Variants in FNDC7 observed in about 807,000 individuals in gnomAD.
FNDC7 encodes the protein fibronectin type III domain containing 7, also known as fibronectin type III domain-containing protein 7.
In FNDC7, 66 loss-of-function variants were observed where a neutral mutation model predicts 74.2. That is an observed-to-expected ratio of 0.89 (90% confidence interval 0.73 to 1.09). The LOEUF is 1.09. Among genes scored for constraint, FNDC7 ranks in the 50% least tolerant of loss-of-function variants. FNDC7 has a pLI of 0.00. For missense variants in FNDC7, 829 were observed against 893.4 expected (o/e 0.93, Z 0.92); for synonymous variants, 307 against 330.2 (o/e 0.93, Z 0.76).
chr1:108,741,042 C>T (rs546391179), intron 11 of FNDC7, among the ~76,000 whole-genome samples: 4 of 152,356 alleles, frequency 2.6e-5, no homozygotes, highest in East Asian at 3.9e-4. Flanking sequence ...ATTTTTCAGA[C>T]TCTTCCACAG....
At chr1:108,728,568 A>G (rs1439294174) in intron 7 of FNDC7, 64 bp from the exon 8 acceptor site, 3 of 1,594,740 alleles carry the variant, frequency 1.9e-6, no homozygotes, top group East Asian at 2.2e-5. Flanking sequence ...TCAGTTTTAG[A>G]CCAAATGGCA....
chr1:108,714,637 C>G (rs1360714276), intron 2 of FNDC7, among the ~76,000 whole-genome samples: 1 of 108,188 alleles, frequency 9.2e-6, no homozygotes, highest in African/African-American at 3.4e-5. Context: ...GAGACAGAGT[C>G]TCTGTCGCCC....
intron 11 of FNDC7, among the ~76,000 whole-genome samples, chr1:108,740,295 G>A (rs1377129562): frequency 6.9e-6 from 1 of 145,304 alleles, no homozygotes; most frequent in South Asian, 2.2e-4. Flanking sequence ...TTTGACTCTT[G>A]GAGTATCCTA....
chr1:108,718,797 G>A lies in FNDC7; in HGVS notation c.346G>A (p.Ala116Thr). 1 of 1,551,430 alleles carries A rather than the reference G, an allele frequency of 6.4e-7. No homozygotes were observed. The change falls in exon 4 of 13, where the codon GCA becomes ACA. Residue 116 changes from alanine (A) to threonine (T), a missense_variant. By Grantham distance (58) the Ala-to-Thr change is moderately conservative (BLOSUM62 0). Coordinates refer to ENST00000370017, the MANE Select transcript of FNDC7 (RefSeq NM_001144937.3). Reference sequence around the variant, plus strand: ...TGTTTTTATTTTTTTAGTGTTGGCTGCACCAATTCTAGAAGTAAGCTCTCC... The same window carrying A: ...TGTTTTTATTTTTTTAGTGTTGGCTACACCAATTCTAGAAGTAAGCTCTCC... Reference protein sequence around the residue: ...PPKQAKTVLAAPILEVSSPSS... With the variant: ...PPKQAKTVLATPILEVSSPSS...
chr1:108,726,575 T>C (rs918132502), intron 6 of FNDC7, among the ~76,000 whole-genome samples: 1 of 152,204 alleles, frequency 6.6e-6, no homozygotes, highest in Non-Finnish European at 1.5e-5. Context: ...ATGATGCACA[T>C]ATTTTTATTA....
At chr1:108,736,254 C>T (rs941662123) in intron 10 of FNDC7, among the ~76,000 whole-genome samples, 1 of 152,124 alleles carries the variant, frequency 6.6e-6, no homozygotes, top group African/African-American at 2.4e-5. Context: ...TACTGCAGTG[C>T]TCTTCTCTTT....
At chr1:108,726,410 G>A (rs1391848749) in intron 6 of FNDC7, among the ~76,000 whole-genome samples, 1 of 152,248 alleles carries the variant, frequency 6.6e-6, no homozygotes, top group East Asian at 1.9e-4. Flanking sequence ...GGGCTTTGGA[G>A]TAGGACACCT....
chr1:108,725,695 G>T (rs1271916298), intron 5 of FNDC7, 55 bp from the exon 6 acceptor site: 6 of 1,564,708 alleles, frequency 3.8e-6, no homozygotes, highest in Non-Finnish European at 5.2e-6. Flanking sequence ...TAATTGCAAA[G>T]ATGCGAAGAA....
chr1:108,724,200 T>A (rs1334955733), intron 5 of FNDC7, among the ~76,000 whole-genome samples: 1 of 152,200 alleles, frequency 6.6e-6, no homozygotes, highest in Non-Finnish European at 1.5e-5. Context: ...AATGAGGTAT[T>A]GCCTTAACAC....
intron 11 of FNDC7, among the ~76,000 whole-genome samples, chr1:108,741,223 T>C (rs1178090328): frequency 6.6e-6 from 1 of 152,090 alleles, no homozygotes; most frequent in African/African-American, 2.4e-5. Context: ...AAAAAAAACC[T>C]ATTTGAGGTG....
chr1:108,718,317 C>T (rs914653533), intron 3 of FNDC7, among the ~76,000 whole-genome samples: 15 of 152,152 alleles, frequency 9.9e-5, no homozygotes, highest in Non-Finnish European at 1.8e-4. Context: ...GGTTTTAACA[C>T]GCCAAATGAA....
intron 8 of FNDC7, among the ~76,000 whole-genome samples, chr1:108,730,377 A>AG (rs1215841794): frequency 2.0e-5 from 3 of 150,894 alleles, no homozygotes; most frequent in African/African-American, 7.4e-5. Flanking sequence ...AAAAAAAAAA[A>AG]TGTTGAAGAT....
At chr1:108,727,362 A>G (rs1191063408) in intron 6 of FNDC7, among the ~76,000 whole-genome samples, 3 of 151,952 alleles carry the variant, frequency 2.0e-5, no homozygotes, top group Non-Finnish European at 4.4e-5. Context: ...CAAAAAAACT[A>G]CTTATATAAC....
rs770224383 is a variant in FNDC7, at chr1:108,714,920, G to A, written c.82+1391G>A. ...CTTCTTAAATAAGTCGACTTTGGGTGGACAGAATCTAACTCTGCCGTCTCT... is the reference window on the plus strand; with the variant it reads ...CTTCTTAAATAAGTCGACTTTGGGTAGACAGAATCTAACTCTGCCGTCTCT... On this transcript the variant is annotated intron_variant, in intron 2 of 12. Transcript: ENST00000370017. Among the ~76,000 whole-genome samples the A allele has an allele frequency of 2.9e-4, 44 of 152,162 alleles. 1 individual carries two copies. In the Middle Eastern group the frequency reaches 0.014, roughly 47 times the overall value.
chr1:108,733,638 A>C, intron 10 of FNDC7, 106 bp downstream of exon 10: 2 of 1,144,360 alleles, frequency 1.7e-6, no homozygotes, highest in African/African-American at 1.6e-5. Context: ...CAGAGGGTAT[A>C]AAATTTCTTT....
Position 108,725,968 on chromosome 1 carries a change from C to T in FNDC7, c.1075C>T (p.Gln359Ter), listed in dbSNP as rs1404570721. 6.2e-7 allele frequency: 1 copy of T among 1,614,146 alleles called. No individual in the cohort carries two copies. Among genetic ancestry groups the T allele is most frequent in the Non-Finnish European group, 8.5e-7 (1 of 1,180,006 alleles). The change falls in exon 6 of 13, where the codon CAA becomes TAA. Residue 359 changes from glutamine (Q) to a stop codon, truncating the protein, a stop_gained. Coordinates refer to ENST00000370017, the MANE Select transcript of FNDC7 (RefSeq NM_001144937.3). LOFTEE classifies it high-confidence loss of function. ...ISVFVYNKAG[Q>*]SPLGDIFNYT... ...TGTTTTTGTCTATAACAAGGCAGGGCAAAGTCCTTTGGGTGACATATTCAA... is the reference window on the plus strand; with the variant it reads ...TGTTTTTGTCTATAACAAGGCAGGGTAAAGTCCTTTGGGTGACATATTCAA...
chr1:108,733,733 C>T (rs1661448997), intron 10 of FNDC7, among the ~76,000 whole-genome samples: 1 of 150,516 alleles, frequency 6.6e-6, no homozygotes, highest in Non-Finnish European at 1.5e-5. Context: ...TCACTGCAAC[C>T]TCCACCTCCC....
At chr1:108,730,617 A>G (rs767455048) in intron 8 of FNDC7, 57 bp from the exon 9 acceptor site, 176 of 1,491,420 alleles carry the variant, frequency 1.2e-4, no homozygotes, top group Non-Finnish European at 1.6e-4. Flanking sequence ...ATCATTTTTC[A>G]CAAATAATCT....
At position 108,719,021 on chromosome 1, in the gene FNDC7, G is replaced by A; in HGVS notation, c.570G>A (p.Gly190=). ...AYAWNANRIP[G]DDSTCNQRTS... is the part of the protein sequence containing the mutation. ...CATGGAATGCCAACAGAATCCCTGGGGATGACTCCACCTGCAATCAGAGAA... is the reference window on the plus strand; with the variant it reads ...CATGGAATGCCAACAGAATCCCTGGAGATGACTCCACCTGCAATCAGAGAA... The change falls in exon 4 of 13, where the codon GGG becomes GGA. Residue 190 remains glycine, a synonymous_variant. Transcript: ENST00000370017. The A allele has an allele frequency of 6.4e-7, 1 of 1,552,190 alleles. No individual in the cohort carries two copies. Among genetic ancestry groups the A allele is most frequent in the East Asian group, 2.4e-5 (1 of 40,920 alleles).
Sources: gnomAD v4.1 joint callset for allele counts (sites outside exome capture counted in the v4.1 genomes callset) on GRCh38, gnomAD v4.1.1 for gene constraint, MANE v1.5 for transcripts, NCBI Gene and HGNC (gene_info 2026-07-23, HGNC 2026-07-21) for gene names.